The following MMP24 variants were observed in gnomAD, a reference collection of about 807,000 sequenced individuals.
The protein encoded by MMP24 is matrix metallopeptidase 24, also known as matrix metalloproteinase-24.
A neutral mutation model predicts 62.8 loss-of-function variants in MMP24; 25 were observed. That is an observed-to-expected ratio of 0.40 (90% confidence interval 0.29 to 0.56). The LOEUF (loss-of-function observed/expected upper bound fraction) is 0.56. MMP24 is among the 20% of genes least tolerant of loss of function. The pLI is 0.50. For missense variants in MMP24, 634 were observed against 853.6 expected, an observed-to-expected ratio of 0.74 and a Z score of 3.21; for synonymous variants, 319 against 350.5, an observed-to-expected ratio of 0.91 and a Z score of 1.00.
intron 1 of MMP24, among the ~76,000 whole-genome samples, chr20:35,241,299 A>G (rs2060487278): frequency 6.6e-6 from 1 of 152,080 alleles, no homozygotes; most frequent in South Asian, 2.1e-4. Flanking sequence ...CTTAGCCTCT[A>G]ATACACACAC....
At chr20:35,273,395 TAA>T (rs756836538) in intron 8 of MMP24, among the ~76,000 whole-genome samples, 76 of 136,060 alleles carry the variant, frequency 5.6e-4, no homozygotes, top group Non-Finnish European at 4.8e-4. Context: ...GACCTTGTCT[TAA>T]AAAAAAAAAA....
In MMP24 at chr20:35,271,832, G is replaced by T; in HGVS notation, c.1597G>T (p.Gly533Ter). The change falls in exon 8 of 9, where the codon GGA becomes TGA. Residue 533 changes from glycine (G) to a stop codon, truncating the protein, a stop_gained. Coordinates refer to ENST00000246186, the MANE Select transcript of MMP24 (RefSeq NM_006690.4). LOFTEE classifies it high-confidence loss of function. The surrounding 1 kb of genome is among the most constrained non-coding windows in gnomAD (Gnocchi z 4.0). The stretch of plus-strand genomic sequence containing the variant: ...CCAAGGAGCCTTCATCAGCAAGGAA[G>T]GATGTACGTAAGGGCCGGGCCAGGG... ...APQGAFISKE[G>*]YYTYFYKGRD... 1 of 1,609,174 alleles carries T rather than the reference G, an allele frequency of 6.2e-7. No homozygotes were observed.
intron 4 of MMP24, among the ~76,000 whole-genome samples, chr20:35,260,924 C>T (rs904404563): frequency 2.6e-5 from 4 of 152,180 alleles, no homozygotes; most frequent in Non-Finnish European, 5.9e-5. Flanking sequence ...GACGCTGGGG[C>T]CAGAGTGGGC....
In MMP24 at chr20:35,274,704, C is replaced by CCTGCTGGCCCTGGTG; in HGVS notation, c.*95_*96insCTGCTGGCCCTGGTG. The CCTGCTGGCCCTGGTG allele has an allele frequency of 2.7e-6, 3 of 1,111,608 alleles. No individual in the cohort carries two copies. The highest frequency in any genetic ancestry group is 3.8e-6 in the Non-Finnish European group (3 of 786,610). 68.9% of individuals were successfully genotyped at this position (1,111,608 alleles called of 1,614,324 possible). On this transcript the variant is annotated 3_prime_UTR_variant, in exon 9 of 9. Transcript: ENST00000246186. This position sits in a 1 kb window ranked among gnomAD's most constrained non-coding sequence, Gnocchi z 5.1. ...AGCTCTGGCCAGTGCTCACCAGGGCCAGCAGGGCCCTAGGCTGGGGTCGTA... is the reference window on the plus strand; with the variant it reads ...AGCTCTGGCCAGTGCTCACCAGGGCCCTGCTGGCCCTGGTGAGCAGGGCCCTAGGCTGGGGTCGTA...
rs542746623 is a variant in MMP24 at position 35,274,208 on chromosome 20, A to T, written c.1601-64A>T. 668 of 1,489,652 alleles carry T rather than the reference A, an allele frequency of 4.5e-4. 3 individuals carry two copies. In the African/African-American group the frequency reaches 8.7e-3, roughly 19 times the overall value. 92.3% of individuals were successfully genotyped at this position (1,489,652 alleles called of 1,614,324 possible). A position where few individuals can be genotyped will look rare whatever the true frequency, so the allele number is the denominator to read the frequency against. ...CCACAGTGCCTGTGCCCTCCTTTTC[A>T]CACTGCCCCAGAGCAGGTGCCGGAA... On this transcript the variant is annotated intron_variant, in intron 8 of 8. Transcript: ENST00000246186. This position sits in a 1 kb window ranked among gnomAD's most constrained non-coding sequence, Gnocchi z 5.1.
At chr20:35,241,739 A>G (rs568395524) in intron 1 of MMP24, among the ~76,000 whole-genome samples, 3 of 152,308 alleles carry the variant, frequency 2.0e-5, no homozygotes, top group Admixed American at 6.5e-5. Flanking sequence ...TTCCCAGAGC[A>G]CTGGAACGCT....
At chr20:35,237,540 G>A (rs989034395) in intron 1 of MMP24, among the ~76,000 whole-genome samples, 3 of 152,106 alleles carry the variant, frequency 2.0e-5, no homozygotes, top group Non-Finnish European at 4.4e-5. Flanking sequence ...ACCACATAAG[G>A]CAACATATTC....
intron 2 of MMP24, among the ~76,000 whole-genome samples, chr20:35,249,967 C>A (rs1268833372): frequency 6.6e-6 from 1 of 151,694 alleles, no homozygotes; most frequent in Non-Finnish European, 1.5e-5. Flanking sequence ...ATTTATTTAT[C>A]TATTTATTGA....
chr20:35,241,667 C>T (rs985870572), intron 1 of MMP24, among the ~76,000 whole-genome samples: 22 of 152,146 alleles, frequency 1.4e-4, no homozygotes, highest in African/African-American at 4.6e-4. Context: ...GCTTGAGTAT[C>T]CCAGAAAACG....
rs749157541 is a variant in MMP24, at chr20:35,231,731, T to G, written c.246+4747T>G. 8.5e-4 allele frequency among the ~76,000 whole-genome samples: 130 copies of G among 152,116 alleles called. 2 individuals are homozygous for G. Among genetic ancestry groups the G allele is most frequent in the Non-Finnish European group, 3.1e-4 (21 of 68,006 alleles). On this transcript the variant is annotated intron_variant, in intron 1 of 8. Coordinates refer to ENST00000246186, the MANE Select transcript of MMP24 (RefSeq NM_006690.4). ...AGATGATGTGAATTGCCTATCATCT[T>G]GTCTAAGGACCCACACATAGCTCAT... is the stretch of plus-strand genomic sequence containing the variant.
At chr20:35,252,513 C>A (rs1025402214) in intron 3 of MMP24, among the ~76,000 whole-genome samples, 1 of 152,220 alleles carries the variant, frequency 6.6e-6, no homozygotes, top group African/African-American at 2.4e-5. Flanking sequence ...AAACCCCATT[C>A]CCTCTGATCT....
At chr20:35,267,610 A>C (rs1293523333) in intron 6 of MMP24, among the ~76,000 whole-genome samples, 191 bp downstream of exon 6, 2 of 152,078 alleles carry the variant, frequency 1.3e-5, no homozygotes, top group Admixed American at 6.6e-5. Context: ...CCCAAGAGGG[A>C]GGGGGAAAGA....
chr20:35,268,889 T>C (rs1228209542), intron 6 of MMP24, among the ~76,000 whole-genome samples: 2 of 152,056 alleles, frequency 1.3e-5, no homozygotes, highest in Non-Finnish European at 2.9e-5. Flanking sequence ...TAGCCGGGTG[T>C]GGTGGCGGGC....
rs2060414180 is a variant in MMP24 at position 35,226,738 on chromosome 20, G to T, written c.-1G>T. 1 of 192,684 alleles carries T rather than the reference G, an allele frequency of 5.2e-6. No individual in the cohort carries two copies. The allele number at this position is 192,684 out of a possible 1,614,324, so 11.9% of individuals were successfully genotyped here. ...GGCCGGGCGCGGGCCCCGCCGCCGG[G>T]ATGCCGAGGAGCCGGGGCGGCCGCG... On this transcript the variant is annotated 5_prime_UTR_variant, in exon 1 of 9. Coordinates refer to ENST00000246186, the MANE Select transcript of MMP24 (RefSeq NM_006690.4).
At chr20:35,234,834 G>C (rs2060454979) in intron 1 of MMP24, among the ~76,000 whole-genome samples, 1 of 152,214 alleles carries the variant, frequency 6.6e-6, no homozygotes, top group African/African-American at 2.4e-5. Flanking sequence ...TTGAGACCAA[G>C]AGTTTGAGGT....
chr20:35,273,827 A>G (rs1028465098), intron 8 of MMP24, among the ~76,000 whole-genome samples: 4 of 152,212 alleles, frequency 2.6e-5, no homozygotes, highest in Non-Finnish European at 4.4e-5. Flanking sequence ...AAAAAAATCC[A>G]TAATTGCAGA....
At chr20:35,241,394 C>G (rs907788190) in intron 1 of MMP24, among the ~76,000 whole-genome samples, 4 of 152,160 alleles carry the variant, frequency 2.6e-5, no homozygotes, top group African/African-American at 9.7e-5. Context: ...TCGACTGCCC[C>G]CACCCCATTT....
rs1296715411 is a variant in MMP24 at position 35,271,882 on chromosome 20, T to C, written c.1600+47T>C. On this transcript the variant is annotated intron_variant, in intron 8 of 8. Transcript: ENST00000246186. This position sits in a 1 kb window ranked among gnomAD's most constrained non-coding sequence, Gnocchi z 4.0. ...GTGGGCATGGGGAGCCGGTTTTATG[T>C]GGTCCTCACCAGTGCCCACGGGCAT... 1 of 1,569,024 alleles carries C rather than the reference T, an allele frequency of 6.4e-7. No homozygotes were observed. Among genetic ancestry groups the C allele is most frequent in the Non-Finnish European group, 8.6e-7 (1 of 1,161,120 alleles).
chr20:35,226,692 C>CGAAGGCA lies in MMP24; in HGVS notation c.-46_-45insAAGGCAG, dbSNP rs1302404387. 53 of 376,108 alleles carry CGAAGGCA rather than the reference C, an allele frequency of 1.4e-4. No homozygotes were observed. Among genetic ancestry groups the CGAAGGCA allele is most frequent in the African/African-American group, 1.2e-3 (51 of 44,322 alleles). The allele number at this position is 376,108 out of a possible 1,614,324, so 23.3% of individuals were successfully genotyped here. A position where few individuals can be genotyped will look rare whatever the true frequency, so the allele number is the denominator to read the frequency against. On this transcript the variant is annotated 5_prime_UTR_variant, in exon 1 of 9. Coordinates refer to ENST00000246186, the MANE Select transcript of MMP24 (RefSeq NM_006690.4). ...GGCGCGCTGGCGGCCGAGGCGGCGG[C>CGAAGGCA]GGCGGCGGCGAAGGCAGGCGGGCCG...
Sources: allele counts gnomAD v4.1 joint callset (sites outside exome capture counted in the v4.1 genomes callset), GRCh38; gene constraint gnomAD v4.1.1; non-coding constraint Gnocchi (gnomAD v3.1); transcripts MANE v1.5; gene names NCBI Gene and HGNC (gene_info 2026-07-23, HGNC 2026-07-21).